ASIC2: variants seen among roughly 807,000 people sequenced by gnomAD.
ASIC2 encodes acid-sensing ion channel 2.
ASIC2 carries 25 observed loss-of-function variants against 57.3 expected under a neutral mutation model. That is an observed-to-expected ratio of 0.44 (90% CI 0.32 to 0.61). The LOEUF is 0.61. Ranked by LOEUF, ASIC2 falls within the 20% of genes least tolerant of loss-of-function variation. ASIC2 has a pLI of 0.06. For synonymous variants in ASIC2, 319 were observed against 307.5 expected (o/e 1.04, Z -0.39); for missense variants, 641 against 738.1 (o/e 0.87, Z 1.52).
At chr17:33,295,414 A>T (rs1269237874), upstream of ASIC2, among the ~76,000 whole-genome samples, 2 of 151,910 alleles carry the variant, frequency 1.3e-5, no homozygotes, top group Non-Finnish European at 2.9e-5. Flanking sequence ...AAATACTCCC[A>T]CCCTCTTCTC....
intron 1 of ASIC2, among the ~76,000 whole-genome samples, chr17:33,876,867 A>C (rs1410487573): frequency 2.6e-5 from 4 of 152,204 alleles, no homozygotes; most frequent in African/African-American, 9.6e-5. Flanking sequence ...CCTGTCACCC[A>C]GGAACCCGTG....
At chr17:33,447,287 C>A (rs1017438977) in intron 1 of ASIC2, among the ~76,000 whole-genome samples, 11 of 64,058 alleles carry the variant, frequency 1.7e-4, no homozygotes, top group African/African-American at 5.9e-4. Context: ...AAAAGCAGAG[C>A]CAGAGTCTGT....
chr17:33,109,486 A>G (rs967638236), intron 2 of ASIC2, among the ~76,000 whole-genome samples: 6 of 152,140 alleles, frequency 3.9e-5, no homozygotes, highest in African/African-American at 1.4e-4. Context: ...CCAGTCTCAA[A>G]GGAAATCGTC....
Position 33,732,543 on chromosome 17 carries a change from C to T in ASIC2, c.555+423435G>A, listed in dbSNP as rs370909319. Among the ~76,000 whole-genome samples, 46 of 147,334 alleles carry T rather than the reference C, an allele frequency of 3.1e-4. 2 individuals are homozygous for T. The highest frequency in any genetic ancestry group is 1.1e-3 in the African/African-American group (42 of 39,602). ...TTTTTAAGACGTAATCTTGCTCTAT[C>T]GCTGGATTGCTGTGGTGCGATCCTG... On this transcript the variant is annotated intron_variant, in intron 1 of 9. Transcript: ENST00000359872.
chr17:33,697,281 A>T (rs1303359542), intron 1 of ASIC2, among the ~76,000 whole-genome samples: 1 of 152,220 alleles, frequency 6.6e-6, no homozygotes, highest in Non-Finnish European at 1.5e-5. Context: ...TAGCAATGTG[A>T]GAACAGACTA....
intron 1 of ASIC2, among the ~76,000 whole-genome samples, chr17:33,947,038 C>T (rs1597943832): frequency 6.6e-6 from 1 of 152,028 alleles, no homozygotes; most frequent in East Asian, 1.9e-4. Context: ...TAGAGGAGAA[C>T]CAAAGTTTTG....
intron 2 of ASIC2, among the ~76,000 whole-genome samples, chr17:33,093,408 C>T (rs2092165260): frequency 6.6e-6 from 1 of 151,682 alleles, no homozygotes; most frequent in African/African-American, 2.4e-5. Context: ...ACATCATGAA[C>T]ACCAGGATTC....
At chr17:33,993,403 T>G (rs569227303) in intron 1 of ASIC2, among the ~76,000 whole-genome samples, 1 of 152,220 alleles carries the variant, frequency 6.6e-6, no homozygotes, top group Non-Finnish European at 1.5e-5. Context: ...TACATGCCCA[T>G]GACCCCACTC....
At chr17:33,347,464 C>G (rs758355036) in intron 1 of ASIC2, among the ~76,000 whole-genome samples, 1 of 152,056 alleles carries the variant, frequency 6.6e-6, no homozygotes, top group South Asian at 2.1e-4. Context: ...CACCAAGTGC[C>G]GGTTTGAGTC....
At chr17:33,561,433 C>G (rs1350712478) in intron 1 of ASIC2, among the ~76,000 whole-genome samples, 1 of 152,160 alleles carries the variant, frequency 6.6e-6, no homozygotes, top group African/African-American at 2.4e-5. Flanking sequence ...TTATAAAATT[C>G]ATTCCCACCT....
At chr17:33,735,836 A>G (rs1050473282) in intron 1 of ASIC2, among the ~76,000 whole-genome samples, 2 of 152,184 alleles carry the variant, frequency 1.3e-5, no homozygotes, top group East Asian at 3.9e-4. Context: ...CAAGAGCCAC[A>G]GTCAACAAGC....
intron 1 of ASIC2, among the ~76,000 whole-genome samples, chr17:33,735,550 G>A (rs1253084949): frequency 6.6e-6 from 1 of 152,190 alleles, no homozygotes; most frequent in Non-Finnish European, 1.5e-5. Flanking sequence ...GTCACATAGT[G>A]TGGGTGGAGG....
At chr17:33,925,871 C>T (rs1018721598) in intron 1 of ASIC2, among the ~76,000 whole-genome samples, 1 of 152,192 alleles carries the variant, frequency 6.6e-6, no homozygotes, top group Non-Finnish European at 1.5e-5. Context: ...TTTCACAATA[C>T]TTCTTTGGCC....
At chr17:33,196,317 CGATGATGAT>C (rs142802377) in intron 1 of ASIC2, among the ~76,000 whole-genome samples, 11 of 151,118 alleles carry the variant, frequency 7.3e-5, no homozygotes, top group Admixed American at 2.6e-4. Flanking sequence ...ATGATGATGA[CGATGATGAT>C]GATGATGATG....
chr17:33,885,075 A>T (rs1914797468), intron 1 of ASIC2, among the ~76,000 whole-genome samples: 1 of 152,132 alleles, frequency 6.6e-6, no homozygotes, highest in African/African-American at 2.4e-5. Context: ...TACCAGCTCC[A>T]CTGCCTGCGC....
chr17:33,032,203 AC>A (rs1195159914), intron 3 of ASIC2, among the ~76,000 whole-genome samples: 3 of 150,748 alleles, frequency 2.0e-5, no homozygotes, highest in Non-Finnish European at 4.4e-5. Flanking sequence ...CTCTCTTCTG[AC>A]TCTTTTTGGG....
chr17:33,824,342 G>C (rs1448304305), intron 1 of ASIC2, among the ~76,000 whole-genome samples: 2 of 152,034 alleles, frequency 1.3e-5, no homozygotes, highest in African/African-American at 4.8e-5. Flanking sequence ...GAAATCTCCT[G>C]ATGACCATCT....
chr17:33,952,720 A>G (rs936390445), intron 1 of ASIC2, among the ~76,000 whole-genome samples: 3 of 152,234 alleles, frequency 2.0e-5, no homozygotes, highest in Admixed American at 2.0e-4. Flanking sequence ...GAAAACATTT[A>G]AAATTCAGAT....
intron 1 of ASIC2, among the ~76,000 whole-genome samples, chr17:33,360,931 A>G (rs1455932337): frequency 2.0e-5 from 3 of 152,114 alleles, no homozygotes; most frequent in African/African-American, 7.2e-5. Context: ...ACCTCCCTTA[A>G]TCTCAGCATT....
Sources: allele counts gnomAD v4.1 joint callset (sites outside exome capture counted in the v4.1 genomes callset), GRCh38; gene constraint gnomAD v4.1.1; transcripts MANE v1.5; gene names NCBI Gene and HGNC (gene_info 2026-07-23, HGNC 2026-07-21).